The following DNAH3 variants were observed in gnomAD, a reference collection of about 807,000 sequenced individuals.
DNAH3 encodes the protein axonemal beta dynein heavy chain 3.
In DNAH3, 332 loss-of-function variants were observed where a neutral mutation model predicts 432.5. That is an observed-to-expected ratio of 0.77 (90% CI 0.70 to 0.84). The LOEUF is 0.84. DNAH3 is among the 40% of genes least tolerant of loss of function. The pLI is 0.00. For missense variants in DNAH3, 4,861 were observed against 5,114.0 expected, an observed-to-expected ratio of 0.95 and a Z score of 1.51; for synonymous variants, 1,956 against 1,900.2, an observed-to-expected ratio of 1.03 and a Z score of -0.76.
chr16:21,127,253 G>GA (rs1341088385), intron 8 of DNAH3, among the ~76,000 whole-genome samples: 3 of 151,624 alleles, frequency 2.0e-5, no homozygotes, highest in Non-Finnish European at 2.9e-5. Flanking sequence ...AGCTGGACAT[G>GA]AAAAAAAGAG....
At position 21,039,839 on chromosome 16, in the gene DNAH3, C is replaced by T; in HGVS notation, c.4730+13G>A. ...AGTCCTTTAGAATGCACTGGAAAACCCATGTAACACACCTTCTGGAGTCCA... is the reference window on the plus strand; with the variant it reads ...AGTCCTTTAGAATGCACTGGAAAACTCATGTAACACACCTTCTGGAGTCCA... On this transcript the variant is annotated intron_variant, in intron 33 of 61. Coordinates refer to ENST00000261383, the Ensembl canonical transcript of DNAH3. 6.3e-7 allele frequency: 1 copy of T among 1,593,048 alleles called. No individual in the cohort carries two copies. The highest frequency in any genetic ancestry group is 1.1e-5 in the South Asian group (1 of 90,680).
chr16:21,143,874 G>T (rs2092750502), intron 3 of DNAH3, among the ~76,000 whole-genome samples: 1 of 152,088 alleles, frequency 6.6e-6, no homozygotes. Flanking sequence ...TGGAAAGATA[G>T]TCATTTAAAC....
intron 12 of DNAH3, among the ~76,000 whole-genome samples, chr16:21,112,544 A>T (rs1011248389): frequency 8.6e-5 from 13 of 151,976 alleles, no homozygotes; most frequent in African/African-American, 3.1e-4. Flanking sequence ...ATCAGATCTC[A>T]TTAGACTTAT....
chr16:21,144,481 C>T (rs956104017), intron 3 of DNAH3, among the ~76,000 whole-genome samples: 7 of 152,134 alleles, frequency 4.6e-5, no homozygotes, highest in Admixed American at 2.6e-4. Context: ...GAGGATCCTT[C>T]CCTAGTTGCC....
rs547347850 is a variant in DNAH3, at chr16:21,041,007, T to C, written c.4638+1020A>G. On this transcript the variant is annotated intron_variant, in intron 32 of 61. Coordinates refer to ENST00000261383, the Ensembl canonical transcript of DNAH3. ...TATCCCATGGCATTGTGAAAGCTGC[T>C]TGTGACGATCTAATATGGCTGTTGG... is the stretch of plus-strand genomic sequence containing the variant. Among the ~76,000 whole-genome samples the C allele has an allele frequency of 1.2e-4, 19 of 152,240 alleles. No individual in the cohort carries two copies. In the South Asian group the frequency reaches 3.9e-3, roughly 32 times the overall value.
chr16:21,000,892 C>A (rs898252151), intron 42 of DNAH3, among the ~76,000 whole-genome samples: 15 of 152,186 alleles, frequency 9.9e-5, no homozygotes, highest in African/African-American at 3.6e-4. Context: ...ACAGTCTTCA[C>A]TACTGAATGG....
intron 42 of DNAH3, among the ~76,000 whole-genome samples, chr16:21,002,441 G>GTTA (rs1448664851): frequency 2.2e-5 from 2 of 92,592 alleles, no homozygotes; most frequent in African/African-American, 4.8e-5. Context: ...ACTATCTGGT[G>GTTA]TTGTTATTAT....
Position 20,985,583 on chromosome 16 carries a change from C to T in DNAH3, c.7159G>A (p.Val2387Met), listed in dbSNP as rs772302598. 67 of 1,614,092 alleles carry T rather than the reference C, an allele frequency of 4.2e-5. No individual in the cohort carries two copies. The Admixed American group carries it at 1.1e-3, about 26-fold the overall frequency. The change falls in exon 48 of 62, where the codon GTG becomes ATG. Residue 2387 changes from valine to methionine, a missense_variant. Coordinates refer to ENST00000261383, the Ensembl canonical transcript of DNAH3. ...TCTTCCAGATAGTGCTCCATGACCA[C>T]AGTCAGCTGTTTCAGGTCAGTGATC...
At chr16:21,014,660 T>C (rs1422010852) in intron 41 of DNAH3, among the ~76,000 whole-genome samples, 1 of 150,084 alleles carries the variant, frequency 6.7e-6, no homozygotes, top group Non-Finnish European at 1.5e-5. Context: ...TAAAACTGTC[T>C]GTCAGTGGCA....
At position 20,979,562 on chromosome 16, in the gene DNAH3, A is replaced by C. The variant is rs1489579238; in HGVS notation, c.7860-16T>G. On this transcript the variant is annotated splice_polypyrimidine_tract_variant and intron_variant, in intron 49 of 61. Coordinates refer to ENST00000261383, the Ensembl canonical transcript of DNAH3. ...GGACACGACCCTGCCGAGGACACCA[A>C]GGCGGTTAGGCAGGACCCAACATCT... is the stretch of plus-strand genomic sequence containing the variant. The C allele has an allele frequency of 6.2e-7, 1 of 1,613,020 alleles. No homozygotes were observed. The highest frequency in any genetic ancestry group is 1.3e-5 in the African/African-American group (1 of 74,990).
chr16:21,022,333 T>A (rs1295503913), intron 39 of DNAH3, among the ~76,000 whole-genome samples: 1 of 152,242 alleles, frequency 6.6e-6, no homozygotes, highest in Non-Finnish European at 1.5e-5. Context: ...CGCATTCCAC[T>A]GCCCAGAGCT....
chr16:21,135,765 G>A (rs1469900430), intron 6 of DNAH3, among the ~76,000 whole-genome samples: 1 of 151,464 alleles, frequency 6.6e-6, no homozygotes, highest in African/African-American at 2.4e-5. Flanking sequence ...TCAGCCAGGT[G>A]TGATGGCTCA....
intron 41 of DNAH3, among the ~76,000 whole-genome samples, chr16:21,004,382 T>C (rs2087174674): frequency 6.6e-6 from 1 of 152,144 alleles, no homozygotes; most frequent in African/African-American, 2.4e-5. Flanking sequence ...TTTTTCTTTT[T>C]TTTAGAGATG....
chr16:20,975,555 C>T (rs373661592), intron 50 of DNAH3, 140 bp from the exon 51 acceptor site: 23 of 810,634 alleles, frequency 2.8e-5, no homozygotes, highest in African/African-American at 2.2e-4. Context: ...GGTACAGATT[C>T]GTTTCCTAGT....
At chr16:20,989,121 T>G (rs1462565907) in intron 44 of DNAH3, among the ~76,000 whole-genome samples, 1 of 152,206 alleles carries the variant, frequency 6.6e-6, no homozygotes, top group South Asian at 2.1e-4. Context: ...TTACCACTGC[T>G]GGCTCGGGCA....
rs116593157 is a variant in DNAH3 at position 20,977,410 on chromosome 16, C to A, written c.8076+1920G>T. ...CAAAAACAAACAAACAAACAAAAAACCATTAGCTTTTCCTGATGCAGAGCT... is the reference window on the plus strand; with the variant it reads ...CAAAAACAAACAAACAAACAAAAAAACATTAGCTTTTCCTGATGCAGAGCT... On this transcript the variant is annotated intron_variant, in intron 50 of 61. Transcript: ENST00000261383. Among the ~76,000 whole-genome samples, 902 of 152,180 alleles carry A rather than the reference C, an allele frequency of 5.9e-3. 10 individuals carry two copies. Among genetic ancestry groups the A allele is most frequent in the African/African-American group, 0.02 (851 of 41,540 alleles).
intron 49 of DNAH3, among the ~76,000 whole-genome samples, chr16:20,981,333 G>T (rs1202324038): frequency 1.3e-5 from 2 of 152,064 alleles, no homozygotes; most frequent in Non-Finnish European, 2.9e-5. Flanking sequence ...CCAGGTTAAG[G>T]GTCTTCTGGT....
At chr16:21,015,251 T>C (rs2087800316) in intron 41 of DNAH3, among the ~76,000 whole-genome samples, 1 of 152,144 alleles carries the variant, frequency 6.6e-6, no homozygotes, top group South Asian at 2.1e-4. Flanking sequence ...GGAACAAAAA[T>C]CCATGTAGGA....
At chr16:20,953,411 G>A (rs1028443873) in intron 55 of DNAH3, among the ~76,000 whole-genome samples, 36 of 152,084 alleles carry the variant, frequency 2.4e-4, no homozygotes, top group African/African-American at 8.0e-4. Flanking sequence ...CGCCTGCCTC[G>A]GCCTCCCAAA....
Sources: gnomAD v4.1 joint callset for allele counts (sites outside exome capture counted in the v4.1 genomes callset) on GRCh38, gnomAD v4.1.1 for gene constraint, MANE v1.5 for transcripts, NCBI Gene and HGNC (gene_info 2026-07-23, HGNC 2026-07-21) for gene names.